Variants in PUS10 observed in about 807,000 individuals in gnomAD.
PUS10 encodes pseudouridine synthase 10.
In PUS10, 59 loss-of-function variants were observed where a neutral mutation model predicts 75.0. The ratio of observed to expected loss-of-function variants is 0.79; its 90% CI spans 0.64 to 0.98. The LOEUF is 0.98. Among genes scored for constraint, PUS10 ranks in the 50% least tolerant of loss-of-function variants. The pLI is 0.00. For synonymous variants in PUS10, 219 were observed against 211.6 expected (o/e 1.03, Z -0.30); for missense variants, 650 against 614.4 (o/e 1.06, Z -0.61).
chr2:60,966,180 G>A (rs1313837602), intron 6 of PUS10: 1 of 151,674 alleles, frequency 6.6e-6, no homozygotes, highest in African/African-American at 2.4e-5. Flanking sequence ...TCTAGGGACT[G>A]TCAGACATTT....
In PUS10 at chr2:60,942,359, C is replaced by G; in HGVS notation, c.*36G>C. The G allele has an allele frequency of 6.3e-7, 1 of 1,598,352 alleles. No individual in the cohort carries two copies. The highest frequency in any genetic ancestry group is 8.6e-7 in the Non-Finnish European group (1 of 1,165,668). ...TGCTCCATGGATGTCCACATCATGC[C>G]AGGAAAACCATACTCTTTGTCTCCA... On this transcript the variant is annotated 3_prime_UTR_variant, in exon 18 of 18. Coordinates refer to ENST00000316752, the MANE Select transcript of PUS10 (RefSeq NM_144709.4).
chr2:61,003,611 C>G (rs1679002354), intron 4 of PUS10, among the ~76,000 whole-genome samples: 1 of 150,516 alleles, frequency 6.6e-6, no homozygotes, highest in Non-Finnish European at 1.5e-5. Flanking sequence ...GTGGTGTGAT[C>G]ATGGCTCACT....
intron 8 of PUS10, 90 bp from the exon 9 acceptor site, chr2:60,962,980 G>GTATCATTTCAT: frequency 6.9e-7 from 1 of 1,440,538 alleles, no homozygotes; most frequent in Non-Finnish European, 9.1e-7. Flanking sequence ...TGGAGAAATT[G>GTATCATTTCAT]TATCATTTCA....
chr2:61,018,247 A>G lies in PUS10; in HGVS notation c.-255T>C, dbSNP rs1056493383. The G allele has an allele frequency of 7.1e-6, 11 of 1,551,016 alleles. No homozygotes were observed. In the Admixed American group the frequency reaches 1.4e-4, roughly 19 times the overall value. Reference sequence around the variant, plus strand: ...TCCAGCCACGGCATCGACAGGGAGCAAAGTCTCTCCTTAAAGGTGTTAACC... The same window carrying G: ...TCCAGCCACGGCATCGACAGGGAGCGAAGTCTCTCCTTAAAGGTGTTAACC... On this transcript the variant is annotated 5_prime_UTR_variant, in exon 1 of 18. Coordinates refer to ENST00000316752, the MANE Select transcript of PUS10 (RefSeq NM_144709.4).
chr2:60,983,052 C>G (rs192796889), intron 4 of PUS10, among the ~76,000 whole-genome samples: 3 of 152,212 alleles, frequency 2.0e-5, no homozygotes, highest in East Asian at 3.9e-4. Flanking sequence ...CACCACCATA[C>G]CTAGCTAATT....
At chr2:61,005,972 T>C (rs905224242) in intron 4 of PUS10, among the ~76,000 whole-genome samples, 1 of 152,222 alleles carries the variant, frequency 6.6e-6, no homozygotes, top group African/African-American at 2.4e-5. Context: ...AGTTTCTCAC[T>C]ATGCTTCATT....
intron 1 of PUS10, 71 bp downstream of exon 1, chr2:61,017,937 G>A (rs1680122690): frequency 1.4e-6 from 2 of 1,412,596 alleles, no homozygotes; most frequent in Admixed American, 2.0e-5. Flanking sequence ...GTTAGTGGAG[G>A]TATTCCCTTC....
chr2:60,967,966 C>T (rs540848975), intron 5 of PUS10, among the ~76,000 whole-genome samples: 8 of 152,242 alleles, frequency 5.3e-5, no homozygotes, highest in Non-Finnish European at 1.2e-4. Context: ...TTACTGCTCA[C>T]AAACTATAAA....
intron 4 of PUS10, among the ~76,000 whole-genome samples, chr2:60,983,348 A>G (rs1004790303): frequency 2.6e-5 from 4 of 152,230 alleles, no homozygotes; most frequent in African/African-American, 9.6e-5. Flanking sequence ...TATTTTTAAC[A>G]CAACATACTA....
At chr2:60,999,170 T>A (rs181318425) in intron 4 of PUS10, among the ~76,000 whole-genome samples, 2 of 152,286 alleles carry the variant, frequency 1.3e-5, no homozygotes, top group East Asian at 3.9e-4. Flanking sequence ...AAACTAAAAC[T>A]GAAAAGCATT....
intron 5 of PUS10, among the ~76,000 whole-genome samples, chr2:60,970,915 C>T (rs1676619644): frequency 6.6e-6 from 1 of 152,238 alleles, no homozygotes; most frequent in South Asian, 2.1e-4. Context: ...TGCTGTGGCT[C>T]GTGCCTGTAA....
In PUS10 at chr2:61,017,736, G is replaced by A. The variant is rs1429766297; in HGVS notation, c.-16+272C>T. 4.5e-6 allele frequency: 7 copies of A among 1,543,436 alleles called. No individual in the cohort carries two copies. In the East Asian group the frequency reaches 7.3e-5, roughly 16 times the overall value. ...GGCCTGGACAGTCAGGGGTAGGAGC[G>A]GGAGCCGAGAGGAGGCGGAGGAGAT... On this transcript the variant is annotated intron_variant, in intron 1 of 17. Coordinates refer to ENST00000316752, the MANE Select transcript of PUS10 (RefSeq NM_144709.4).
At chr2:60,962,761 T>C in intron 9 of PUS10, 65 bp downstream of exon 9, 1 of 1,530,836 alleles carries the variant, frequency 6.5e-7, no homozygotes, top group Non-Finnish European at 8.8e-7. Flanking sequence ...TAATCCAGCT[T>C]ATCTCTAACA....
chr2:60,945,153 A>C lies in PUS10; in HGVS notation c.1452-45T>G, dbSNP rs529581124. ...AAAATGAAGACAGCATGCTGTACCAACTATTTGGTAAGATTTGACAGGCAA... is the reference window on the plus strand; with the variant it reads ...AAAATGAAGACAGCATGCTGTACCACCTATTTGGTAAGATTTGACAGGCAA... On this transcript the variant is annotated intron_variant, in intron 16 of 17. Coordinates refer to ENST00000316752, the MANE Select transcript of PUS10 (RefSeq NM_144709.4). 4.2e-5 allele frequency: 52 copies of C among 1,227,686 alleles called. No homozygotes were observed. The South Asian group carries it at 6.2e-4, about 15-fold the overall frequency. The allele number at this position is 1,227,686 out of a possible 1,614,324, so 76.0% of individuals were successfully genotyped here.
At position 60,967,632 on chromosome 2, in the gene PUS10, A is replaced by G. The variant is rs541342671; in HGVS notation, c.504-19T>C. 5 of 1,514,582 alleles carry G rather than the reference A, an allele frequency of 3.3e-6. No individual in the cohort carries two copies. Among genetic ancestry groups the G allele is most frequent in the Non-Finnish European group, 3.6e-6 (4 of 1,112,368 alleles). The allele number at this position is 1,514,582 out of a possible 1,614,324, so 93.8% of individuals were successfully genotyped here. ...CTGCTTTCTGAATAACATAAAAATT[A>G]ATTCACTGACATGAAAAACTTTACT... On this transcript the variant is annotated intron_variant, in intron 5 of 17. Coordinates refer to ENST00000316752, the MANE Select transcript of PUS10 (RefSeq NM_144709.4).
chr2:60,976,576 A>G (rs1489851307), intron 4 of PUS10, among the ~76,000 whole-genome samples: 5 of 152,254 alleles, frequency 3.3e-5, no homozygotes, highest in Admixed American at 6.5e-5. Flanking sequence ...AACCATGTGT[A>G]ACACATGAAA....
At chr2:60,995,604 C>A (rs1336892846) in intron 4 of PUS10, among the ~76,000 whole-genome samples, 5 of 152,048 alleles carry the variant, frequency 3.3e-5, no homozygotes, top group Non-Finnish European at 7.4e-5. Flanking sequence ...GCCACACGGT[C>A]CTAAAAATTA....
chr2:60,954,199 T>C (rs201078007), intron 12 of PUS10, 41 bp from the exon 13 acceptor site: 15 of 1,599,478 alleles, frequency 9.4e-6, no homozygotes, highest in Non-Finnish European at 1.3e-5. Context: ...AACGTGTTGA[T>C]GGAGTTAACA....
intron 15 of PUS10, among the ~76,000 whole-genome samples, chr2:60,952,776 T>C (rs1324520468): frequency 1.3e-5 from 2 of 152,194 alleles, no homozygotes; most frequent in African/African-American, 4.8e-5. Flanking sequence ...CAAACTGTCT[T>C]CAGAGTGGGG....
Sources: gnomAD v4.1 joint callset for allele counts (sites outside exome capture counted in the v4.1 genomes callset) on GRCh38, gnomAD v4.1.1 for gene constraint, MANE v1.5 for transcripts, NCBI Gene and HGNC (gene_info 2026-07-23, HGNC 2026-07-21) for gene names.